SFTPB: variants seen among roughly 807,000 people sequenced by gnomAD.
SFTPB encodes pulmonary surfactant-associated protein B.
In SFTPB, 32 loss-of-function variants were observed where a neutral mutation model predicts 51.0. The observed-to-expected ratio is 0.63, with a 90% CI of 0.47 to 0.84. The LOEUF (loss-of-function observed/expected upper bound fraction) is 0.84, where lower values mean the gene tolerates loss of function less well. SFTPB is among the 40% of genes least tolerant of loss of function. The pLI is 0.00. For missense variants in SFTPB, 431 were observed against 491.2 expected, an observed-to-expected ratio of 0.88 and a Z score of 1.16; for synonymous variants, 211 against 208.5, an observed-to-expected ratio of 1.01 and a Z score of -0.10.
rs727503418 is a variant in SFTPB at position 85,663,779 on chromosome 2, C to T, written c.741G>A (p.Gln247=). 6 of 1,605,012 alleles carry T rather than the reference C, an allele frequency of 3.7e-6. No homozygotes were observed. Among genetic ancestry groups the T allele is most frequent in the Non-Finnish European group, 3.4e-6 (4 of 1,176,846 alleles). ...VVPLVAGGIC[Q]CLAERYSVIL... ...TGACGGAGTAGCGCTCAGCCAGGCACTGGCAGATGCCGCCCGCCACCAGAG... is the reference window on the plus strand; with the variant it reads ...TGACGGAGTAGCGCTCAGCCAGGCATTGGCAGATGCCGCCCGCCACCAGAG... The change falls in exon 7 of 11, where the codon CAG becomes CAA. Residue 247 remains glutamine, a synonymous_variant. Coordinates refer to ENST00000519937, the MANE Select transcript of SFTPB (RefSeq NM_000542.5).
chr2:85,663,212 C>T, intron 8 of SFTPB, 134 bp downstream of exon 8: 2 of 1,241,902 alleles, frequency 1.6e-6, no homozygotes, highest in South Asian at 1.2e-5. Context: ...CCATTGTCTG[C>T]CCCACATCCT....
Position 85,661,630 on chromosome 2 carries a change from G to C in SFTPB, c.1084-95C>G. On this transcript the variant is annotated intron_variant, in intron 9 of 10. Coordinates refer to ENST00000519937, the MANE Select transcript of SFTPB (RefSeq NM_000542.5). ...AAGAACAGCACTCACTCCACCTCCC[G>C]CCTAGTGGGTGCTACCAGTGTGACT... 6 of 1,027,384 alleles carry C rather than the reference G, an allele frequency of 5.8e-6. No homozygotes were observed. The South Asian group carries it at 7.0e-5, about 12-fold the overall frequency. The allele number at this position is 1,027,384 out of a possible 1,614,324, so 63.6% of individuals were successfully genotyped here. A position where few individuals can be genotyped will look rare whatever the true frequency, so the allele number is the denominator to read the frequency against.
intron 6 of SFTPB, among the ~76,000 whole-genome samples, chr2:85,664,278 G>C (rs371406670): frequency 8.5e-5 from 13 of 152,208 alleles, no homozygotes; most frequent in African/African-American, 2.6e-4. Context: ...CTCAGCTGCT[G>C]GCATTACAGA....
intron 4 of SFTPB, 96 bp downstream of exon 4, chr2:85,666,521 G>A (rs1179170893): frequency 2.6e-6 from 3 of 1,164,438 alleles, no homozygotes; most frequent in Admixed American, 2.0e-5. Flanking sequence ...GTGTGTGTGT[G>A]TCTGGCTGGC....
In SFTPB at chr2:85,666,798, G is replaced by A. The variant is rs1228113536; in HGVS notation, c.268-56C>T. 2.5e-6 allele frequency: 4 copies of A among 1,610,950 alleles called. No homozygotes were observed. In the African/African-American group the frequency reaches 5.3e-5, roughly 22 times the overall value. ...CCTCTCTGAGGTCTACCCCGCCCAA[G>A]TCCCTGGACACAAGGCCCCACCAGG... On this transcript the variant is annotated intron_variant, in intron 3 of 10. Coordinates refer to ENST00000519937, the MANE Select transcript of SFTPB (RefSeq NM_000542.5).
intron 4 of SFTPB, among the ~76,000 whole-genome samples, chr2:85,666,068 G>A (rs117457617): frequency 6.6e-6 from 1 of 152,152 alleles, no homozygotes; most frequent in Admixed American, 6.5e-5. Context: ...GGGTGTAAGG[G>A]TGTGTGAGCG....
chr2:85,663,982 A>AT, intron 6 of SFTPB, 135 bp from the exon 7 acceptor site: 1 of 818,834 alleles, frequency 1.2e-6, no homozygotes, highest in South Asian at 1.7e-5. Flanking sequence ...CTATTCACAA[A>AT]TAAGGACACT....
At chr2:85,665,253 GT>G in intron 6 of SFTPB, 35 bp downstream of exon 6, 3 of 1,462,388 alleles carry the variant, frequency 2.1e-6, no homozygotes, top group Non-Finnish European at 2.9e-6. Flanking sequence ...AGGTATGCGT[GT>G]GCTCCTGGGC....
rs1208573263 is a variant in SFTPB at position 85,663,853 on chromosome 2, G to A, written c.673-6C>T. On this transcript the variant is annotated splice_region_variant and splice_polypyrimidine_tract_variant and intron_variant, in intron 6 of 10. Coordinates refer to ENST00000519937, the MANE Select transcript of SFTPB (RefSeq NM_000542.5). ...ACTGCCACAGCTAGCGCACCCTGGG[G>A]CGGGGGCGGAGAGAGGCCAGCATGG... The A allele has an allele frequency of 1.9e-6, 3 of 1,577,352 alleles. No homozygotes were observed. Among genetic ancestry groups the A allele is most frequent in the Middle Eastern group, 2.1e-4 (1 of 4,782 alleles).
chr2:85,663,677 G>A lies in SFTPB; in HGVS notation c.843C>T (p.Asp281=), dbSNP rs3024810. Residue 281 remains aspartate, a synonymous_variant, in exon 7 of 11, where the codon GAC becomes GAT. Transcript: ENST00000519937. The part of the protein sequence containing the change: ...CRLVLRCSMD[D]SAGPRSPTGE... Reference sequence around the variant, plus strand: ...CAGTGGGCTCACTTGGGCCAGCGCTGTCATCCATGGAGCACCGGAGGACGA... The same window carrying A: ...CAGTGGGCTCACTTGGGCCAGCGCTATCATCCATGGAGCACCGGAGGACGA... 21,188 of 1,612,084 alleles carry A rather than the reference G, an allele frequency of 0.013. 2,300 individuals are homozygous for A. In the African/African-American group the frequency reaches 0.24, roughly 18 times the overall value.
chr2:85,665,751 C>G lies in SFTPB; in HGVS notation c.437G>C (p.Arg146Pro), dbSNP rs367831550. The G allele has an allele frequency of 5.6e-6, 9 of 1,614,160 alleles. No individual in the cohort carries two copies. The South Asian group carries it at 9.9e-5, about 18-fold the overall frequency. The change falls in exon 5 of 11, where the codon CGG becomes CCG. Residue 146 changes from arginine to proline, a missense_variant. Coordinates refer to ENST00000519937, the MANE Select transcript of SFTPB (RefSeq NM_000542.5). ...ICMHLGLCKS[R>P]QPEPEQEPGM... ...TGGCTCCTGCTCTGGCTCTGGCTGC[C>G]GGGATTTGCACAGGCCCAGGTGCAT...
intron 3 of SFTPB, 115 bp from the exon 4 acceptor site, chr2:85,666,857 G>A: frequency 1.4e-6 from 2 of 1,395,156 alleles, no homozygotes; most frequent in Non-Finnish European, 2.0e-6. Flanking sequence ...GGGTGCTGGA[G>A]TTCACGAGTG....
intron 5 of SFTPB, 69 bp downstream of exon 5, chr2:85,665,537 C>T (rs1431142698): frequency 1.3e-6 from 2 of 1,557,964 alleles, no homozygotes. Flanking sequence ...GGGCCCAGTG[C>T]CCATGGGCTT....
chr2:85,665,542 G>A, intron 5 of SFTPB, 64 bp downstream of exon 5: 1 of 1,579,904 alleles, frequency 6.3e-7, no homozygotes. Flanking sequence ...CAGTGCCCAT[G>A]GGCTTCGGAG....
At chr2:85,663,929 T>C in intron 6 of SFTPB, 82 bp from the exon 7 acceptor site, 1 of 1,251,062 alleles carries the variant, frequency 8.0e-7, no homozygotes, top group Non-Finnish European at 1.1e-6. Context: ...AGCTGGGCAC[T>C]TCCTACGCAT....
chr2:85,666,214 G>GTGT (rs1553381012), intron 4 of SFTPB, among the ~76,000 whole-genome samples: 2 of 104,340 alleles, frequency 1.9e-5, no homozygotes, highest in East Asian at 6.2e-4. Context: ...CTGTGTGTGT[G>GTGT]CTGTGTGTGT....
intron 8 of SFTPB, chr2:85,662,311 GC>G: frequency 7.0e-7 from 1 of 1,433,690 alleles, no homozygotes; most frequent in Non-Finnish European, 9.2e-7. Context: ...AGAAAAGCAG[GC>G]GACACTGGAG....
chr2:85,666,189 T>G (rs1299864123), intron 4 of SFTPB, among the ~76,000 whole-genome samples: 4 of 145,232 alleles, frequency 2.8e-5, no homozygotes, highest in Admixed American at 2.7e-4. Context: ...TGTGTGTGTG[T>G]GGCCAGCTGG....
chr2:85,666,329 CTGTG>C (rs1303030073), intron 4 of SFTPB, among the ~76,000 whole-genome samples: 1 of 114,524 alleles, frequency 8.7e-6, no homozygotes, highest in Non-Finnish European at 1.8e-5. Flanking sequence ...GGCTGGGGTA[CTGTG>C]TGTGTGTATG....
Sources: gnomAD v4.1 joint callset for allele counts (sites outside exome capture counted in the v4.1 genomes callset) on GRCh38, gnomAD v4.1.1 for gene constraint, MANE v1.5 for transcripts, NCBI Gene and HGNC (gene_info 2026-07-23, HGNC 2026-07-21) for gene names.